SBF2: variants seen among roughly 807,000 people sequenced by gnomAD.
SBF2 encodes the protein SET binding factor 2.
SBF2 carries 112 observed loss-of-function variants against 225.2 expected under a neutral mutation model. That is an observed-to-expected ratio of 0.50 (90% confidence interval 0.43 to 0.58). The LOEUF (loss-of-function observed/expected upper bound fraction) is 0.58. Among genes scored for constraint, SBF2 ranks in the 20% least tolerant of loss-of-function variants. SBF2 has a pLI of 0.00. For synonymous variants in SBF2, 763 were observed against 773.3 expected, an observed-to-expected ratio of 0.99 and a Z score of 0.22; for missense variants, 1,996 against 2,206.2, an observed-to-expected ratio of 0.90 and a Z score of 1.91.
At chr11:10,007,635 G>C (rs1948254265) in intron 6 of SBF2, among the ~76,000 whole-genome samples, 1 of 152,108 alleles carries the variant, frequency 6.6e-6, no homozygotes, top group Non-Finnish European at 1.5e-5. Flanking sequence ...CCTCTGGCTG[G>C]TTCGGGACAC....
At chr11:9,936,213 C>G (rs1199423082) in intron 16 of SBF2, among the ~76,000 whole-genome samples, 2 of 152,228 alleles carry the variant, frequency 1.3e-5, no homozygotes, top group Admixed American at 6.5e-5. Flanking sequence ...TGCTCATCAT[C>G]ATTGGTCATC....
At chr11:9,976,824 A>G (rs997541784) in intron 13 of SBF2, among the ~76,000 whole-genome samples, 18 of 151,278 alleles carry the variant, frequency 1.2e-4, no homozygotes, top group African/African-American at 4.4e-4. Flanking sequence ...GCTGGAGTGC[A>G]GTGGCGTGAT....
chr11:10,287,966 G>A (rs1239072583), intron 1 of SBF2, among the ~76,000 whole-genome samples: 1 of 152,220 alleles, frequency 6.6e-6, no homozygotes, highest in African/African-American at 2.4e-5. Flanking sequence ...AGCTCCAGGT[G>A]CTGGCATAAG....
intron 1 of SBF2, among the ~76,000 whole-genome samples, chr11:10,227,307 C>T (rs1314106250): frequency 8.5e-5 from 13 of 152,154 alleles, no homozygotes; most frequent in Non-Finnish European, 1.3e-4. Context: ...TTTTGCTGTG[C>T]AGAAGCTCTT....
intron 13 of SBF2, among the ~76,000 whole-genome samples, chr11:9,978,637 TTTTG>T (rs752837389): frequency 5.4e-4 from 51 of 94,130 alleles, no homozygotes; most frequent in Non-Finnish European, 7.5e-4. Flanking sequence ...GTTTGATTGT[TTTTG>T]TTTGTTTGTT....
intron 30 of SBF2, among the ~76,000 whole-genome samples, chr11:9,809,864 T>G (rs1388237814): frequency 6.6e-6 from 1 of 152,134 alleles, no homozygotes; most frequent in Non-Finnish European, 1.5e-5. Flanking sequence ...GTATTCTTAA[T>G]TTTTTGGGAA....
At chr11:9,995,621 A>G (rs1947656604) in intron 9 of SBF2, among the ~76,000 whole-genome samples, 1 of 151,190 alleles carries the variant, frequency 6.6e-6, no homozygotes, top group South Asian at 2.1e-4. Flanking sequence ...TTGACAATAC[A>G]TTATGCTCCT....
At chr11:10,198,078 C>T (rs1957441465) in intron 1 of SBF2, among the ~76,000 whole-genome samples, 1 of 152,170 alleles carries the variant, frequency 6.6e-6, no homozygotes, top group Non-Finnish European at 1.5e-5. Context: ...TTTACCTCCT[C>T]CCATGAATTA....
At chr11:10,171,937 T>G (rs1349512102) in intron 2 of SBF2, among the ~76,000 whole-genome samples, 1 of 152,216 alleles carries the variant, frequency 6.6e-6, no homozygotes, top group Non-Finnish European at 1.5e-5. Flanking sequence ...GACATATAGT[T>G]GGTCACAGTA....
intron 16 of SBF2, among the ~76,000 whole-genome samples, chr11:9,955,474 G>A (rs369698318): frequency 6.6e-6 from 1 of 151,930 alleles, no homozygotes; most frequent in South Asian, 2.1e-4. Context: ...TAAAGAAGAG[G>A]TGCACCATAT....
At chr11:10,223,267 T>C (rs1401696869) in intron 1 of SBF2, among the ~76,000 whole-genome samples, 2 of 151,094 alleles carry the variant, frequency 1.3e-5, no homozygotes, top group East Asian at 1.9e-4. Context: ...CTTGAACAAC[T>C]TGGGAGTTAG....
intron 1 of SBF2, among the ~76,000 whole-genome samples, chr11:10,246,902 T>C (rs957502052): frequency 6.6e-6 from 1 of 152,008 alleles, no homozygotes; most frequent in Non-Finnish European, 1.5e-5. Context: ...TAGTGAGACC[T>C]TGTCTCTACA....
At chr11:10,252,346 T>C (rs55678570) in intron 1 of SBF2, among the ~76,000 whole-genome samples, 8,326 of 152,340 alleles carry the variant, frequency 0.055, 308 homozygotes, top group Middle Eastern at 0.14. Flanking sequence ...TGTACTTCTA[T>C]ATTTGAGTCC....
chr11:9,932,223 G>A (rs556527777), intron 16 of SBF2, among the ~76,000 whole-genome samples: 1 of 152,294 alleles, frequency 6.6e-6, no homozygotes, highest in African/African-American at 2.4e-5. Flanking sequence ...TATCATCCAG[G>A]AGAACTTCCC....
rs1293444505 is a variant in SBF2 at position 9,780,436 on chromosome 11, ACT to A, written c.5530_5531del (p.Ser1844LeufsTer4). On this transcript the variant is annotated frameshift_variant, in exon 40 of 40. Transcript: ENST00000256190. LOFTEE classifies it high-confidence loss of function. ...ATGGGCATCAGGCATCAGAGATACA[ACT>A]CTGGATCTTGTCCATCCATTGCTGG... Reference protein sequence around the residue: ...SAQQWMDKIQSCISDA With the variant: ...SAQQWMDKIQXCISDA 13 of 1,613,758 alleles carry A rather than the reference ACT, an allele frequency of 8.1e-6. No homozygotes were observed. Among genetic ancestry groups the A allele is most frequent in the Non-Finnish European group, 9.3e-6 (11 of 1,179,776 alleles).
chr11:10,286,184 A>G (rs1023834120), intron 1 of SBF2, among the ~76,000 whole-genome samples: 145 of 152,066 alleles, frequency 9.5e-4, no homozygotes, highest in African/African-American at 3.3e-3. Context: ...ACACACACAC[A>G]CACACACACA....
intron 2 of SBF2, among the ~76,000 whole-genome samples, chr11:10,149,798 T>C (rs1207472832): frequency 6.6e-6 from 1 of 152,212 alleles, no homozygotes; most frequent in Non-Finnish European, 1.5e-5. Flanking sequence ...TTCCCTCTTA[T>C]GTCACAATCA....
At chr11:10,135,334 G>A (rs1954295301) in intron 2 of SBF2, among the ~76,000 whole-genome samples, 1 of 152,068 alleles carries the variant, frequency 6.6e-6, no homozygotes, top group Non-Finnish European at 1.5e-5. Flanking sequence ...AGAGGTCTCT[G>A]ACACGCCCTA....
chr11:10,220,744 T>C (rs1046697682), intron 1 of SBF2, among the ~76,000 whole-genome samples: 6 of 152,202 alleles, frequency 3.9e-5, no homozygotes, highest in African/African-American at 1.4e-4. Flanking sequence ...TTAACTTCTC[T>C]GGCCTCATAT....
Sources: gnomAD v4.1 joint callset for allele counts (sites outside exome capture counted in the v4.1 genomes callset) on GRCh38, gnomAD v4.1.1 for gene constraint, MANE v1.5 for transcripts, NCBI Gene and HGNC (gene_info 2026-07-23, HGNC 2026-07-21) for gene names.